Variants in DSCAM observed in about 807,000 individuals in gnomAD.
DSCAM encodes DS cell adhesion molecule.
A neutral mutation model predicts 217.7 loss-of-function variants in DSCAM; 47 were observed. The observed-to-expected ratio is 0.22, with a 90% CI of 0.17 to 0.28. DSCAM has a LOEUF of 0.28. DSCAM is among the 10% of genes least tolerant of loss of function. The pLI, the probability that DSCAM is intolerant of heterozygous loss-of-function variation, is 1.00. For synonymous variants in DSCAM, 1,056 were observed against 1,015.3 expected (o/e 1.04, Z -0.76); for missense variants, 2,080 against 2,618.3 (o/e 0.79, Z 4.49).
chr21:40,580,320 G>A (rs1206085340), intron 3 of DSCAM, among the ~76,000 whole-genome samples: 7 of 151,964 alleles, frequency 4.6e-5, no homozygotes, highest in African/African-American at 1.7e-4. Context: ...ATCACCTGAG[G>A]TCATGAGTTG....
chr21:40,345,886 G>A (rs1158506370), intron 6 of DSCAM, among the ~76,000 whole-genome samples: 1 of 152,190 alleles, frequency 6.6e-6, no homozygotes, highest in African/African-American at 2.4e-5. Context: ...ATAAATCTGC[G>A]AGTGTGCTGG....
chr21:40,419,138 C>CTT (rs58690151), intron 3 of DSCAM, among the ~76,000 whole-genome samples: 2 of 138,412 alleles, frequency 1.4e-5, no homozygotes, highest in East Asian at 2.1e-4. Flanking sequence ...ACCCGGCTAG[C>CTT]TTTTTTTTTT....
intron 3 of DSCAM, among the ~76,000 whole-genome samples, chr21:40,473,980 G>A (rs2075911701): frequency 6.6e-6 from 1 of 152,192 alleles, no homozygotes; most frequent in Non-Finnish European, 1.5e-5. Flanking sequence ...CCTAGCAGAT[G>A]AATGCAGACG....
chr21:40,731,735 C>CT (rs1352970922), intron 1 of DSCAM, among the ~76,000 whole-genome samples: 8 of 126,238 alleles, frequency 6.3e-5, no homozygotes, highest in African/African-American at 1.5e-4. Context: ...TGCACCCCCC[C>CT]CCCCGCCCCC....
At chr21:40,187,618 G>T (rs954212705) in intron 13 of DSCAM, among the ~76,000 whole-genome samples, 1 of 152,122 alleles carries the variant, frequency 6.6e-6, no homozygotes, top group Non-Finnish European at 1.5e-5. Context: ...AAATTCCACC[G>T]CTGTACTTGT....
Position 40,144,200 on chromosome 21 carries a change from G to C in DSCAM, c.3259+291C>G, listed in dbSNP as rs1212186907. On this transcript the variant is annotated intron_variant, in intron 17 of 32. Transcript: ENST00000400454. The surrounding 1 kb of genome is among the most constrained non-coding windows in gnomAD (Gnocchi z 4.8). ...CTCGTGAGACTTCTGCAGTAATAGAGAGAGCCTTGTTTTCACTCCAGAAAA... is the reference window on the plus strand; with the variant it reads ...CTCGTGAGACTTCTGCAGTAATAGACAGAGCCTTGTTTTCACTCCAGAAAA... Among the ~76,000 whole-genome samples, 1 of 152,244 alleles carries C rather than the reference G, an allele frequency of 6.6e-6. No homozygotes were observed. Among genetic ancestry groups the C allele is most frequent in the East Asian group, 1.9e-4 (1 of 5,194 alleles).
intron 3 of DSCAM, among the ~76,000 whole-genome samples, chr21:40,652,808 T>C (rs2146363139): frequency 6.6e-6 from 1 of 152,352 alleles, no homozygotes; most frequent in Non-Finnish European, 1.5e-5. Flanking sequence ...AGATTGTTTA[T>C]GCCAACAATT....
chr21:40,274,460 TTA>T, intron 11 of DSCAM, among the ~76,000 whole-genome samples: 1 of 152,314 alleles, frequency 6.6e-6, no homozygotes, highest in South Asian at 2.1e-4. Context: ...TCATAGGGTC[TTA>T]TATATATTGG....
At chr21:40,574,961 T>C (rs1333443958) in intron 3 of DSCAM, among the ~76,000 whole-genome samples, 1 of 152,146 alleles carries the variant, frequency 6.6e-6, no homozygotes, top group Non-Finnish European at 1.5e-5. Flanking sequence ...AGAACAACCA[T>C]ATTGTCAGGC....
intron 4 of DSCAM, among the ~76,000 whole-genome samples, chr21:40,368,507 G>A (rs1294268364): frequency 6.6e-6 from 1 of 152,214 alleles, no homozygotes; most frequent in African/African-American, 2.4e-5. Flanking sequence ...TGTAAGTGAT[G>A]AAGAGAAAAA....
At chr21:40,042,343 C>T (rs370024473) in intron 32 of DSCAM, 28 bp downstream of exon 32, 95 of 1,604,420 alleles carry the variant, frequency 5.9e-5, no homozygotes, top group Admixed American at 4.4e-4. Flanking sequence ...CCCTAAGCGA[C>T]GGCCCCCAGG....
At chr21:40,780,629 C>T (rs1013166505) in intron 1 of DSCAM, among the ~76,000 whole-genome samples, 12 of 151,572 alleles carry the variant, frequency 7.9e-5, no homozygotes, top group Non-Finnish European at 1.6e-4. Context: ...TAAGGTAAAA[C>T]GAAGTCATAT....
intron 3 of DSCAM, among the ~76,000 whole-genome samples, chr21:40,557,285 T>A (rs2076679976): frequency 1.3e-5 from 2 of 152,122 alleles, no homozygotes; most frequent in Non-Finnish European, 2.9e-5. Context: ...GCATTCCCCT[T>A]CTCTCGGGAA....
chr21:40,646,351 C>T (rs1298550093), intron 3 of DSCAM, among the ~76,000 whole-genome samples: 1 of 147,542 alleles, frequency 6.8e-6, no homozygotes, highest in African/African-American at 2.5e-5. Flanking sequence ...GTGGAGGTTG[C>T]AGTGAGCTGA....
chr21:40,539,943 T>C (rs537645430), intron 3 of DSCAM, among the ~76,000 whole-genome samples: 6 of 152,206 alleles, frequency 3.9e-5, no homozygotes, highest in Non-Finnish European at 8.8e-5. Context: ...CTAGATGCTA[T>C]GGAAAAATAT....
rs771549137 is a variant in DSCAM, at chr21:40,055,767, C to T, written c.4993G>A (p.Ala1665Thr). ...TCTCTCTCTTCAATCAAAAGCTGAG[C>T]CCTGGGTATGTCGATGTGCATTCGC... is the stretch of plus-strand genomic sequence containing the variant. ...TLRMHIDIPR[A>T]QLLIEERDTM... is the part of the protein sequence containing the mutation. The change falls in exon 29 of 33, where the codon GCT becomes ACT. Residue 1665 changes from alanine (A) to threonine (T), a missense_variant. Physicochemically the swap from Ala to Thr is moderately conservative, Grantham distance 58. Around this residue, in one of 5 missense-constraint regions of DSCAM, gnomAD observed 1,144 missense variants for 1,421.1 expected, o/e 0.81. Transcript: ENST00000400454. The T allele has an allele frequency of 6.2e-7, 1 of 1,613,822 alleles. No homozygotes were observed. The highest frequency in any genetic ancestry group is 1.7e-5 in the Admixed American group (1 of 60,006).
At chr21:40,170,856 C>T (rs2090649221) in intron 15 of DSCAM, among the ~76,000 whole-genome samples, 1 of 152,180 alleles carries the variant, frequency 6.6e-6, no homozygotes, top group South Asian at 2.1e-4. Context: ...CTGTCTCATC[C>T]TGAATCCTCT....
intron 9 of DSCAM, among the ~76,000 whole-genome samples, chr21:40,311,747 A>C (rs2074139786): frequency 6.6e-6 from 1 of 152,160 alleles, no homozygotes; most frequent in African/African-American, 2.4e-5. Flanking sequence ...TTATATGAAT[A>C]CAATAAAGCA....
chr21:40,289,474 T>C lies in DSCAM; in HGVS notation c.2182+6581A>G, dbSNP rs552218600. On this transcript the variant is annotated intron_variant, in intron 10 of 32. Transcript: ENST00000400454. ...GGATTTTCTTCAAATGTAAGTACAG[T>C]AGTTCCCCCTCATCCACATTTTCAC... 1.3e-3 allele frequency among the ~76,000 whole-genome samples: 197 copies of C among 152,322 alleles called. 1 individual carries two copies. The highest frequency in any genetic ancestry group is 4.4e-3 in the African/African-American group (185 of 41,580).
Sources: gnomAD v4.1 joint callset for allele counts (sites outside exome capture counted in the v4.1 genomes callset) on GRCh38, gnomAD v4.1.1 for gene constraint, gnomAD v4.1.1 regional missense constraint, Gnocchi (gnomAD v3.1) non-coding constraint, MANE v1.5 for transcripts, NCBI Gene and HGNC (gene_info 2026-07-23, HGNC 2026-07-21) for gene names.